Variants in MCC observed in about 807,000 individuals in gnomAD.
The protein encoded by MCC is colorectal mutant cancer protein.
A neutral mutation model predicts 116.2 loss-of-function variants in MCC; 90 were observed. That is an observed-to-expected ratio of 0.77 (90% CI 0.65 to 0.92). MCC has a LOEUF of 0.92. MCC is among the 40% of genes least tolerant of loss of function. MCC has a pLI of 0.00. For synonymous variants in MCC, 578 were observed against 510.5 expected (o/e 1.13, Z -1.78); for missense variants, 1,516 against 1,312.2 (o/e 1.16, Z -2.40).
intron 3 of MCC, among the ~76,000 whole-genome samples, chr5:113,251,752 A>T (rs1245173018): frequency 6.6e-6 from 1 of 152,198 alleles, no homozygotes; most frequent in Non-Finnish European, 1.5e-5. Flanking sequence ...ACTGAGCCCA[A>T]ACATGCCTAT....
chr5:113,059,146 A>AAGG (rs1554110312), intron 14 of MCC, among the ~76,000 whole-genome samples: 3 of 3,446 alleles, frequency 8.7e-4, no homozygotes, highest in Non-Finnish European at 1.3e-3. Context: ...GGAAGGAAAT[A>AAGG]AAAAAAAAAA....
intron 5 of MCC, among the ~76,000 whole-genome samples, chr5:113,132,171 T>G (rs1758472433): frequency 6.6e-6 from 1 of 151,740 alleles, no homozygotes; most frequent in Non-Finnish European, 1.5e-5. Context: ...TTACAAGGAT[T>G]CAATTTCCTT....
chr5:113,226,428 G>C (rs1009468704), intron 3 of MCC, among the ~76,000 whole-genome samples: 3 of 152,206 alleles, frequency 2.0e-5, no homozygotes, highest in Non-Finnish European at 4.4e-5. Flanking sequence ...CTGCACAGGA[G>C]TGCAACAAGG....
At chr5:113,046,830 C>G (rs1008743584) in intron 16 of MCC, among the ~76,000 whole-genome samples, 3 of 152,136 alleles carry the variant, frequency 2.0e-5, no homozygotes, top group Admixed American at 6.5e-5. Flanking sequence ...TGACTCACCT[C>G]CCCCAGCCTT....
chr5:113,284,551 A>T (rs1344645181), intron 3 of MCC, among the ~76,000 whole-genome samples: 2 of 152,258 alleles, frequency 1.3e-5, no homozygotes, highest in Non-Finnish European at 2.9e-5. Flanking sequence ...AGAAAAAAAT[A>T]TCCCTGGGAA....
intron 4 of MCC, among the ~76,000 whole-genome samples, chr5:113,148,267 A>G (rs575049467): frequency 1.3e-5 from 2 of 152,340 alleles, no homozygotes; most frequent in South Asian, 4.1e-4. Context: ...AGTTTATGGC[A>G]ATTTATTATA....
chr5:113,467,091 G>T (rs1035717990), intron 1 of MCC, among the ~76,000 whole-genome samples: 15 of 150,426 alleles, frequency 1.0e-4, no homozygotes, highest in African/African-American at 3.4e-4. Context: ...TTAGCCCTTT[G>T]TCAGATGAGT....
rs930823565 is a variant in MCC at position 113,102,168 on chromosome 5, C to G, written c.1192-223G>C. Among the ~76,000 whole-genome samples the G allele has an allele frequency of 2.0e-5, 3 of 152,180 alleles. No individual in the cohort carries two copies. The East Asian group carries it at 5.8e-4, about 29-fold the overall frequency. On this transcript the variant is annotated intron_variant, in intron 7 of 18. Transcript: ENST00000408903. ...GGGTACAGTCTGTGTTACCTGGCAA[C>G]CTTCAGAGTAAGAAAAACAGTGAGT...
Position 113,023,628 on chromosome 5 carries a change from A to C in MCC, c.*3674T>G, listed in dbSNP as rs982164827. The C allele has an allele frequency of 6.6e-6, 1 of 152,212 alleles. No individual in the cohort carries two copies. Among genetic ancestry groups the C allele is most frequent in the Non-Finnish European group, 1.5e-5 (1 of 68,020 alleles). 9.4% of individuals were successfully genotyped at this position (152,212 alleles called of 1,614,324 possible). ...AGTAGCTCTGTTTGCTGAATCTAGAAGTAGGTAGAGCTGTAAATAGTTTAA... is the reference window on the plus strand; with the variant it reads ...AGTAGCTCTGTTTGCTGAATCTAGACGTAGGTAGAGCTGTAAATAGTTTAA... On this transcript the variant is annotated 3_prime_UTR_variant, in exon 19 of 19. Transcript: ENST00000408903.
chr5:113,406,640 T>C (rs1769842937), intron 1 of MCC, among the ~76,000 whole-genome samples: 1 of 152,176 alleles, frequency 6.6e-6, no homozygotes, highest in African/African-American at 2.4e-5. Context: ...TAAATATAGC[T>C]GGCTATTCAT....
rs1561525261 is a variant in MCC at position 113,327,587 on chromosome 5, A to AT, written c.627+12931_627+12932insA. ...ATATATATATATATATATATATATA[A>AT]AAATCTCATCCTCTATGTACTCTTT... On this transcript the variant is annotated intron_variant, in intron 3 of 18. Transcript: ENST00000408903. 1.4e-3 allele frequency among the ~76,000 whole-genome samples: 131 copies of AT among 96,546 alleles called. 2 individuals are homozygous for AT. Among genetic ancestry groups the AT allele is most frequent in the Non-Finnish European group, 1.7e-3 (82 of 48,712 alleles). 63.3% of individuals were successfully genotyped at this position (96,546 alleles called of 152,430 possible). A position where few individuals can be genotyped will look rare whatever the true frequency, so the allele number is the denominator to read the frequency against.
chr5:113,232,924 T>G (rs1763989801), intron 3 of MCC, among the ~76,000 whole-genome samples: 1 of 152,126 alleles, frequency 6.6e-6, no homozygotes, highest in African/African-American at 2.4e-5. Flanking sequence ...ATTTAAAGTA[T>G]CTACCCAGGA....
intron 3 of MCC, among the ~76,000 whole-genome samples, chr5:113,169,945 T>C (rs1388209800): frequency 2.0e-5 from 3 of 152,220 alleles, no homozygotes; most frequent in African/African-American, 7.2e-5. Context: ...CCAGCTTTTA[T>C]GCATTGCTCA....
intron 2 of MCC, among the ~76,000 whole-genome samples, chr5:113,353,681 A>G (rs1162214730): frequency 6.6e-6 from 1 of 152,188 alleles, no homozygotes; most frequent in Non-Finnish European, 1.5e-5. Flanking sequence ...AACATTGATC[A>G]GTCTACACAT....
chr5:113,487,021 T>C (rs535689722), intron 1 of MCC, among the ~76,000 whole-genome samples: 27 of 152,264 alleles, frequency 1.8e-4, no homozygotes, highest in South Asian at 6.2e-4. Flanking sequence ...CAGAATTACA[T>C]ATTATTTTCA....
intron 1 of MCC, 124 bp from the exon 2 acceptor site, chr5:113,385,336 C>T (rs1769228802): frequency 2.0e-6 from 2 of 998,236 alleles, no homozygotes. Context: ...TTTCAACTTT[C>T]TCATTGTTTC....
intron 3 of MCC, among the ~76,000 whole-genome samples, chr5:113,220,511 TG>T (rs1366592647): frequency 2.6e-5 from 4 of 152,204 alleles, no homozygotes. Context: ...TATTAATGTT[TG>T]TATTTTTTAG....
At chr5:113,242,787 C>T (rs1343464343) in intron 3 of MCC, among the ~76,000 whole-genome samples, 2 of 152,072 alleles carry the variant, frequency 1.3e-5, no homozygotes, top group East Asian at 3.9e-4. Flanking sequence ...GAGCCATTCC[C>T]TTCCATCTCA....
chr5:113,204,375 TG>T (rs767619546), intron 3 of MCC: 1 of 152,200 alleles, frequency 6.6e-6, no homozygotes, highest in Non-Finnish European at 1.5e-5. Flanking sequence ...TAAAACTGTG[TG>T]GATAGCTAGT....
Sources: allele counts gnomAD v4.1 joint callset (sites outside exome capture counted in the v4.1 genomes callset), GRCh38; gene constraint gnomAD v4.1.1; transcripts MANE v1.5; gene names NCBI Gene and HGNC (gene_info 2026-07-23, HGNC 2026-07-21).